The following EDA variants were observed in gnomAD, a reference collection of about 807,000 sequenced individuals.
EDA encodes the protein ectodysplasin-A.
A neutral mutation model predicts 23.6 loss-of-function variants in EDA; 2 were observed. The ratio of observed to expected loss-of-function variants is 0.08; its 90% confidence interval spans 0.03 to 0.27. The LOEUF (loss-of-function observed/expected upper bound fraction) is 0.27. EDA is among the 10% of genes least tolerant of loss of function. The pLI is 1.00. For missense variants in EDA, 229 were observed against 324.2 expected, an observed-to-expected ratio of 0.71 and a Z score of 2.26; for synonymous variants, 131 against 132.0, an observed-to-expected ratio of 0.99 and a Z score of 0.05.
chrX:69,731,305 C>T (rs2013015559), intron 1 of EDA, among the ~76,000 whole-genome samples: 1 of 111,780 alleles, frequency 8.9e-6, no homozygotes, highest in Non-Finnish European at 1.9e-5. Context: ...AAAGAACCAG[C>T]TATTGGCTTC....
chrX:69,755,740 T>A (rs958337150), intron 1 of EDA, among the ~76,000 whole-genome samples: 3 of 112,557 alleles, frequency 2.7e-5, no homozygotes, highest in African/African-American at 6.5e-5. Context: ...CAGCTTTGTT[T>A]ACCTACTCAA....
chrX:69,931,793 T>C lies in EDA; in HGVS notation c.397-25234T>C, dbSNP rs759367186. On this transcript the variant is annotated intron_variant, in intron 1 of 7. Transcript: ENST00000374552. ...TAGGAAATAGTTTGGCAGTTTCTTA[T>C]AACATGTACTTACCACATAGTATAT... 2.1e-4 allele frequency among the ~76,000 whole-genome samples: 23 copies of C among 112,083 alleles called. No homozygotes were observed. In the South Asian group the frequency reaches 7.9e-3, roughly 39 times the overall value.
intron 1 of EDA, among the ~76,000 whole-genome samples, chrX:69,944,853 C>T (rs1243844126): frequency 1.8e-5 from 2 of 112,073 alleles, no homozygotes; most frequent in Admixed American, 9.4e-5. Flanking sequence ...AGGTTCCAAC[C>T]ACTGGGATGG....
intron 1 of EDA, among the ~76,000 whole-genome samples, chrX:69,869,135 C>T (rs1158478641): frequency 8.9e-6 from 1 of 111,756 alleles, no homozygotes; most frequent in Admixed American, 9.5e-5. Flanking sequence ...GTAGCCCTCA[C>T]CTTACTAGTC....
At chrX:69,714,731 G>A (rs753088748) in intron 1 of EDA, among the ~76,000 whole-genome samples, 11 of 110,933 alleles carry the variant, frequency 9.9e-5, no homozygotes, top group Admixed American at 2.9e-4. Context: ...TCTCTGTTTT[G>A]TCTCATGGAG....
Position 69,785,986 on chromosome X carries a change from A to G in EDA, c.396+169282A>G, listed in dbSNP as rs192708078. Reference sequence around the variant, plus strand: ...CAATTTCAGCTCCTGTTATTGGTCTATTCAGAGATTCAACCTCTTCCTGGT... The same window carrying G: ...CAATTTCAGCTCCTGTTATTGGTCTGTTCAGAGATTCAACCTCTTCCTGGT... On this transcript the variant is annotated intron_variant, in intron 1 of 7. Transcript: ENST00000374552. 4.1e-3 allele frequency among the ~76,000 whole-genome samples: 457 copies of G among 110,815 alleles called. 2 individuals carry two copies. Among genetic ancestry groups the G allele is most frequent in the African/African-American group, 0.014 (438 of 30,590 alleles).
chrX:69,704,386 G>A (rs1268393842), intron 1 of EDA, among the ~76,000 whole-genome samples: 3 of 111,816 alleles, frequency 2.7e-5, no homozygotes, highest in Admixed American at 1.9e-4. Context: ...AGGTAGCAGA[G>A]GTAACAGGCT....
intron 1 of EDA, among the ~76,000 whole-genome samples, chrX:69,719,246 T>G (rs2147341242): frequency 9.0e-6 from 1 of 110,993 alleles, no homozygotes; most frequent in African/African-American, 3.3e-5. Flanking sequence ...AGGAACTAGT[T>G]TTTTATTTTA....
At chrX:69,688,285 A>G (rs1934606294) in intron 1 of EDA, among the ~76,000 whole-genome samples, 1 of 111,976 alleles carries the variant, frequency 8.9e-6, no homozygotes. Context: ...CCTCTATGTC[A>G]GTGAAAACTT....
intron 1 of EDA, among the ~76,000 whole-genome samples, chrX:69,668,821 C>A (rs1351781320): frequency 2.7e-5 from 3 of 111,530 alleles, no homozygotes; most frequent in African/African-American, 9.8e-5. Context: ...CCCACCTTGG[C>A]CTCCCAAAGT....
rs767001147 is a variant in EDA, at chrX:70,033,381, CCTT to C, written c.794-14_794-12del. The stretch of plus-strand genomic sequence containing the variant: ...ATTCTGACATGTACTGAGTGACTGC[CCTT>C]CTCTCATACTGAGATCTTTCAGGTG... On this transcript the variant is annotated splice_polypyrimidine_tract_variant and intron_variant, in intron 6 of 7. Coordinates refer to ENST00000374552, the MANE Select transcript of EDA (RefSeq NM_001399.5). 1.7e-6 allele frequency: 2 copies of C among 1,210,053 alleles called. No homozygotes were observed. Among genetic ancestry groups the C allele is most frequent in the Non-Finnish European group, 2.2e-6 (2 of 895,016 alleles).
In EDA at chrX:70,007,476, G is replaced by A. The variant is rs371188687; in HGVS notation, c.503-15742G>A. On this transcript the variant is annotated intron_variant, in intron 2 of 7. Transcript: ENST00000374552. ...ATGAGGGGCTTTTTCCCCTTTGCTC[G>A]GCACTCCTTTCGCCTGCCTCCATGT... Among the ~76,000 whole-genome samples the A allele has an allele frequency of 1.5e-4, 17 of 111,410 alleles. No homozygotes were observed. The East Asian group carries it at 2.0e-3, about 13-fold the overall frequency.
At chrX:70,013,265 T>G (rs1473133138) in intron 2 of EDA, among the ~76,000 whole-genome samples, 1 of 111,369 alleles carries the variant, frequency 9.0e-6, no homozygotes, top group African/African-American at 3.3e-5. Context: ...ACAAAGGGCC[T>G]GGTTGTGTCA....
At chrX:69,674,987 AT>A (rs1210055151) in intron 1 of EDA, among the ~76,000 whole-genome samples, 1 of 110,416 alleles carries the variant, frequency 9.1e-6, no homozygotes, top group South Asian at 3.9e-4. Flanking sequence ...TCTCTGTTTT[AT>A]TTTTTTCTTT....
intron 1 of EDA, among the ~76,000 whole-genome samples, chrX:69,751,855 GAACAGAATCCTGTTCTGTTAT>G (rs1435062372): frequency 2.8e-5 from 3 of 107,764 alleles, no homozygotes; most frequent in African/African-American, 1.0e-4. Context: ...TGTTATAACA[GAACAGAATCCTGTTCTGTTAT>G]AACAGGAATT....
chrX:69,997,734 G>A (rs2019680293), intron 2 of EDA, among the ~76,000 whole-genome samples: 1 of 112,349 alleles, frequency 8.9e-6, no homozygotes, highest in Admixed American at 9.3e-5. Flanking sequence ...GCTGTGTGCA[G>A]CCTAGGGACT....
At chrX:69,963,674 T>G (rs2019135937) in intron 2 of EDA, among the ~76,000 whole-genome samples, 1 of 111,707 alleles carries the variant, frequency 9.0e-6, no homozygotes, top group Admixed American at 9.5e-5. Flanking sequence ...GTAAATGATC[T>G]CAACAGGCCA....
intron 1 of EDA, among the ~76,000 whole-genome samples, chrX:69,628,472 C>G (rs1209248045): frequency 9.0e-6 from 1 of 111,367 alleles, no homozygotes; most frequent in Non-Finnish European, 1.9e-5. Context: ...ATTGTATCCT[C>G]AAGACAGATT....
chrX:69,625,768 A>C (rs2094367), intron 1 of EDA, among the ~76,000 whole-genome samples: 58,071 of 108,515 alleles, frequency 0.54, 12,929 homozygotes, highest in East Asian at 0.98. Flanking sequence ...TTGCAGAGCA[A>C]AGATTTATTA....
Sources: allele counts gnomAD v4.1 joint callset (sites outside exome capture counted in the v4.1 genomes callset), GRCh38; gene constraint gnomAD v4.1.1; transcripts MANE v1.5; gene names NCBI Gene and HGNC (gene_info 2026-07-23, HGNC 2026-07-21).